Variants in CCDC85B observed in about 807,000 individuals in gnomAD.
CCDC85B encodes coiled-coil domain containing 85B.
A neutral mutation model predicts 13.6 loss-of-function variants in CCDC85B; 8 were observed. The observed-to-expected ratio is 0.59, with a 90% CI of 0.35 to 1.06. The LOEUF is 1.06. Among genes scored for constraint, CCDC85B ranks in the 50% least tolerant of loss-of-function variants. CCDC85B has a pLI of 0.02. For missense variants in CCDC85B, 217 were observed against 285.9 expected, an observed-to-expected ratio of 0.76 and a Z score of 1.74; for synonymous variants, 118 against 135.9, an observed-to-expected ratio of 0.87 and a Z score of 0.92.
In CCDC85B at chr11:65,891,242, C is replaced by A; in HGVS notation, c.459C>A (p.Gly153=). 6.6e-7 allele frequency: 1 copy of A among 1,516,026 alleles called. No individual in the cohort carries two copies. The allele number at this position is 1,516,026 out of a possible 1,614,324, so 93.9% of individuals were successfully genotyped here. A position where few individuals can be genotyped will look rare whatever the true frequency, so the allele number is the denominator to read the frequency against. ...GCGAAGAATGGGGCCCCCGCGGCGG[C>A]CCCAGCGGCGCCGGGGGATCAGGAG... ...ALGEEWGPRG[G]PSGAGGSGAG... is the part of the protein sequence containing the mutation. Residue 153 remains glycine, a synonymous_variant, in exon 1 of 1, where the codon GGC becomes GGA. Transcript: ENST00000312579. The surrounding 1 kb of genome is among the most constrained non-coding windows in gnomAD (Gnocchi z 7.3).
chr11:65,890,783 C>G lies in CCDC85B; in HGVS notation c.-1C>G. ...GCGATGCTCCAGAGGCCTGACCAGC[C>G]ATGGAGGCCGAGGCAGGCGGCCTGG... On this transcript the variant is annotated 5_prime_UTR_variant, in exon 1 of 1. Coordinates refer to ENST00000312579, the MANE Select transcript of CCDC85B (RefSeq NM_006848.3). The G allele has an allele frequency of 6.7e-7, 1 of 1,482,652 alleles. No individual in the cohort carries two copies. Among genetic ancestry groups the G allele is most frequent in the Non-Finnish European group, 8.9e-7 (1 of 1,124,696 alleles). The allele number at this position is 1,482,652 out of a possible 1,614,324, so 91.8% of individuals were successfully genotyped here.
Position 65,891,460 on chromosome 11 carries a change from T to G in CCDC85B, c.*68T>G. 6.9e-7 allele frequency: 1 copy of G among 1,459,066 alleles called. No homozygotes were observed. Among genetic ancestry groups the G allele is most frequent in the Non-Finnish European group, 9.1e-7 (1 of 1,104,930 alleles). The allele number at this position is 1,459,066 out of a possible 1,614,324, so 90.4% of individuals were successfully genotyped here. A position where few individuals can be genotyped will look rare whatever the true frequency, so the allele number is the denominator to read the frequency against. ...CCGAGCCCCGGGACCGCTGTGGACC[T>G]CGGGACCTGGACGCCGTCCTGGCTG... On this transcript the variant is annotated 3_prime_UTR_variant, in exon 1 of 1. Transcript: ENST00000312579. This position sits in a 1 kb window ranked among gnomAD's most constrained non-coding sequence, Gnocchi z 7.3.
Position 65,890,743 on chromosome 11 carries a change from C to CGCG in CCDC85B, c.-33_-31dup, listed in dbSNP as rs1860371538. On this transcript the variant is annotated 5_prime_UTR_variant, in exon 1 of 1. Transcript: ENST00000312579. ...CGGGCCCGACGTGGGGCTCCTGGGC[C>CGCG]GCGGCGGCGGGCGGGCGATGCTCCA... The CGCG allele has an allele frequency of 1.5e-6, 2 of 1,371,196 alleles. No homozygotes were observed. Among genetic ancestry groups the CGCG allele is most frequent in the Middle Eastern group, 2.7e-4 (1 of 3,726 alleles). The allele number at this position is 1,371,196 out of a possible 1,614,324, so 84.9% of individuals were successfully genotyped here.
In CCDC85B at chr11:65,891,537, C is replaced by T; in HGVS notation, c.*145C>T. 1 of 906,482 alleles carries T rather than the reference C, an allele frequency of 1.1e-6. No individual in the cohort carries two copies. Among genetic ancestry groups the T allele is most frequent in the Admixed American group, 4.0e-5 (1 of 25,078 alleles). The allele number at this position is 906,482 out of a possible 1,614,324, so 56.2% of individuals were successfully genotyped here. A position where few individuals can be genotyped will look rare whatever the true frequency, so the allele number is the denominator to read the frequency against. ...AAGAAATCCTGACACCAAGAAGGGCCCCTCGCTCTTGCTGGCAGGGCAGCA... is the reference window on the plus strand; with the variant it reads ...AAGAAATCCTGACACCAAGAAGGGCTCCTCGCTCTTGCTGGCAGGGCAGCA... On this transcript the variant is annotated 3_prime_UTR_variant, in exon 1 of 1. Transcript: ENST00000312579. The surrounding 1 kb of genome is among the most constrained non-coding windows in gnomAD (Gnocchi z 7.3).
Position 65,891,225 on chromosome 11 carries a change from TG to T in CCDC85B, c.446del (p.Gly149AlafsTer30). On this transcript the variant is annotated frameshift_variant, in exon 1 of 1. Transcript: ENST00000312579. LOFTEE classifies it high-confidence loss of function. The surrounding 1 kb of genome is among the most constrained non-coding windows in gnomAD (Gnocchi z 7.3). The part of the protein sequence containing the change: ...KELCLALGEE[W>X]GPRGGPSGAG... ...GCTCTGCCTGGCGCTGGGCGAAGAA[TG>T]GGGCCCCCGCGGCGGCCCCAGCGGC... The T allele has an allele frequency of 6.6e-7, 1 of 1,511,050 alleles. No homozygotes were observed. The highest frequency in any genetic ancestry group is 8.8e-7 in the Non-Finnish European group (1 of 1,133,038). 93.6% of individuals were successfully genotyped at this position (1,511,050 alleles called of 1,614,324 possible). A position where few individuals can be genotyped will look rare whatever the true frequency, so the allele number is the denominator to read the frequency against.
Position 65,890,765 on chromosome 11 carries a change from T to G in CCDC85B, c.-19T>G, listed in dbSNP as rs940237928. 1 of 1,393,108 alleles carries G rather than the reference T, an allele frequency of 7.2e-7. No homozygotes were observed. The highest frequency in any genetic ancestry group is 1.5e-5 in the African/African-American group (1 of 65,360). 86.3% of individuals were successfully genotyped at this position (1,393,108 alleles called of 1,614,324 possible). ...GGCCGCGGCGGCGGGCGGGCGATGC[T>G]CCAGAGGCCTGACCAGCCATGGAGG... On this transcript the variant is annotated 5_prime_UTR_variant, in exon 1 of 1. Transcript: ENST00000312579.
Position 65,891,171 on chromosome 11 carries a change from C to A in CCDC85B, c.388C>A (p.Leu130Met). The stretch of plus-strand genomic sequence containing the variant: ...CGAGCTGGAGGGCCGCCAGGAGGAG[C>A]TGCTGCGGGAGAACCTAGCGCTTAA... Reference protein sequence around the residue: ...LAELEGRQEELLRENLALKEL... With the variant: ...LAELEGRQEEMLRENLALKEL... The change falls in exon 1 of 1, where the codon CTG becomes ATG. Residue 130 changes from leucine to methionine, a missense_variant. Physicochemically the swap from Leu to Met is conservative, Grantham distance 15. Transcript: ENST00000312579. The surrounding 1 kb of genome is among the most constrained non-coding windows in gnomAD (Gnocchi z 7.3). 6.5e-7 allele frequency: 1 copy of A among 1,545,348 alleles called. No individual in the cohort carries two copies. The highest frequency in any genetic ancestry group is 1.2e-5 in the South Asian group (1 of 82,862).
rs765718187 is a variant in CCDC85B, at chr11:65,891,320, C to G, written c.537C>G (p.Gly179=). The G allele has an allele frequency of 1.9e-6, 3 of 1,602,620 alleles. No homozygotes were observed. The highest frequency in any genetic ancestry group is 2.6e-6 in the Non-Finnish European group (3 of 1,175,878). ...CCCCGTGCGGGCCCCGCGACCTAGG[C>G]GATGGAAGCTCCAGCACTGGCAGCG... ...ALPPCGPRDL[G]DGSSSTGSVG... is the part of the protein sequence containing the mutation. Residue 179 remains glycine, a synonymous_variant, in exon 1 of 1, where the codon GGC becomes GGG. Transcript: ENST00000312579. This position sits in a 1 kb window ranked among gnomAD's most constrained non-coding sequence, Gnocchi z 7.3.
chr11:65,891,144 G>A lies in CCDC85B; in HGVS notation c.361G>A (p.Ala121Thr), dbSNP rs1199022595. 1.3e-6 allele frequency: 2 copies of A among 1,566,088 alleles called. No individual in the cohort carries two copies. The highest frequency in any genetic ancestry group is 1.7e-6 in the Non-Finnish European group (2 of 1,159,782). ...CCTGGGCGGCTGTTGGCAGAAGCTG[G>A]CCGAGCTGGAGGGCCGCCAGGAGGA... Reference protein sequence around the residue: ...EDLGGCWQKLAELEGRQEELL... With the variant: ...EDLGGCWQKLTELEGRQEELL... Residue 121 changes from alanine (A) to threonine (T), a missense_variant, in exon 1 of 1, where the codon GCC becomes ACC. By Grantham distance (58) the Ala-to-Thr change is moderately conservative (BLOSUM62 0). Transcript: ENST00000312579. This position sits in a 1 kb window ranked among gnomAD's most constrained non-coding sequence, Gnocchi z 7.3.
At position 65,891,241 on chromosome 11, in the gene CCDC85B, GC is replaced by G; in HGVS notation, c.462del (p.Ser155AlafsTer24). 6.6e-7 allele frequency: 1 copy of G among 1,513,954 alleles called. No individual in the cohort carries two copies. Among genetic ancestry groups the G allele is most frequent in the African/African-American group, 1.4e-5 (1 of 70,050 alleles). The allele number at this position is 1,513,954 out of a possible 1,614,324, so 93.8% of individuals were successfully genotyped here. A position where few individuals can be genotyped will look rare whatever the true frequency, so the allele number is the denominator to read the frequency against. On this transcript the variant is annotated frameshift_variant, in exon 1 of 1. Transcript: ENST00000312579. LOFTEE classifies it high-confidence loss of function. The surrounding 1 kb of genome is among the most constrained non-coding windows in gnomAD (Gnocchi z 7.3). Reference sequence around the variant, plus strand: ...GGCGAAGAATGGGGCCCCCGCGGCGGCCCCAGCGGCGCCGGGGGATCAGGAG... The same window carrying G: ...GGCGAAGAATGGGGCCCCCGCGGCGGCCCAGCGGCGCCGGGGGATCAGGAG... ...ALGEEWGPRG[G>X]PSGAGGSGAG...
Position 65,890,769 on chromosome 11 carries a change from G to C in CCDC85B, c.-15G>C. On this transcript the variant is annotated 5_prime_UTR_variant, in exon 1 of 1. Coordinates refer to ENST00000312579, the MANE Select transcript of CCDC85B (RefSeq NM_006848.3). ...GCGGCGGCGGGCGGGCGATGCTCCA[G>C]AGGCCTGACCAGCCATGGAGGCCGA... is the stretch of plus-strand genomic sequence containing the variant. 1 of 1,431,124 alleles carries C rather than the reference G, an allele frequency of 7.0e-7. No individual in the cohort carries two copies. The highest frequency in any genetic ancestry group is 9.1e-7 in the Non-Finnish European group (1 of 1,101,942). 88.7% of individuals were successfully genotyped at this position (1,431,124 alleles called of 1,614,324 possible). A position where few individuals can be genotyped will look rare whatever the true frequency, so the allele number is the denominator to read the frequency against.
Position 65,890,852 on chromosome 11 carries a change from G to C in CCDC85B, c.69G>C (p.Glu23Asp), listed in dbSNP as rs1041310286. The change falls in exon 1 of 1, where the codon GAG becomes GAC. Residue 23 changes from glutamate (E) to aspartate (D), a missense_variant. Physicochemically the swap from Glu to Asp is conservative, Grantham distance 45. Coordinates refer to ENST00000312579, the MANE Select transcript of CCDC85B (RefSeq NM_006848.3). ...AGATGGCGGCGCTAGGCAAGGAAGAGCTAGTGCGGCGCCTGCGGCGGGAGG... is the reference window on the plus strand; with the variant it reads ...AGATGGCGGCGCTAGGCAAGGAAGACCTAGTGCGGCGCCTGCGGCGGGAGG... ...DEEMAALGKE[E>D]LVRRLRREEA... The C allele has an allele frequency of 3.9e-6, 6 of 1,525,134 alleles. No homozygotes were observed. Among genetic ancestry groups the C allele is most frequent in the Non-Finnish European group, 5.2e-6 (6 of 1,142,870 alleles). The allele number at this position is 1,525,134 out of a possible 1,614,324, so 94.5% of individuals were successfully genotyped here.
In CCDC85B at chr11:65,890,930, G is replaced by A. The variant is rs1306686154; in HGVS notation, c.147G>A (p.Val49=). The change falls in exon 1 of 1, where the codon GTG becomes GTA. Residue 49 remains valine (V), a synonymous_variant. Transcript: ENST00000312579. Reference sequence around the variant, plus strand: ...AGCGCGGCCGCCTCATGCAGGAGGTGAATCGGCAGCTGCAGGGCCACCTGG... The same window carrying A: ...AGCGCGGCCGCCTCATGCAGGAGGTAAATCGGCAGCTGCAGGGCCACCTGG... The part of the protein sequence containing the change: ...LVQRGRLMQE[V]NRQLQGHLGE... 9 of 1,529,846 alleles carry A rather than the reference G, an allele frequency of 5.9e-6. No homozygotes were observed. In the South Asian group the frequency reaches 9.6e-5, roughly 16 times the overall value. 94.8% of individuals were successfully genotyped at this position (1,529,846 alleles called of 1,614,324 possible). A position where few individuals can be genotyped will look rare whatever the true frequency, so the allele number is the denominator to read the frequency against.
chr11:65,891,076 G>A lies in CCDC85B; in HGVS notation c.293G>A (p.Trp98Ter). 2 of 1,564,780 alleles carry A rather than the reference G, an allele frequency of 1.3e-6. No individual in the cohort carries two copies. The highest frequency in any genetic ancestry group is 1.2e-5 in the South Asian group (1 of 85,914). Residue 98 changes from tryptophan to a stop codon, truncating the protein, a stop_gained, in exon 1 of 1, where the codon TGG becomes TAG. Transcript: ENST00000312579. LOFTEE classifies it high-confidence loss of function. The surrounding 1 kb of genome is among the most constrained non-coding windows in gnomAD (Gnocchi z 7.3). ...CGCGGGCGGCGCGCCGCACGCCAGT[G>A]GCAGCTCTTCGGGACCCAAGCATCC... is the stretch of plus-strand genomic sequence containing the variant. ...RQRGRRAARQWQLFGTQASRA... is the reference protein window; with the variant it reads ...RQRGRRAARQ
In CCDC85B at chr11:65,891,408, C is replaced by G; in HGVS notation, c.*16C>G. ...CGATGATTGAAGGCACTGCTTCCTC[C>G]ACGCCGACGCCCGCCCGGATTGCTC... On this transcript the variant is annotated 3_prime_UTR_variant, in exon 1 of 1. Transcript: ENST00000312579. The surrounding 1 kb of genome is among the most constrained non-coding windows in gnomAD (Gnocchi z 7.3). 1.3e-6 allele frequency: 2 copies of G among 1,543,270 alleles called. No individual in the cohort carries two copies. Among genetic ancestry groups the G allele is most frequent in the Non-Finnish European group, 1.7e-6 (2 of 1,149,390 alleles).
chr11:65,891,103 G>A lies in CCDC85B; in HGVS notation c.320G>A (p.Arg107Gln), dbSNP rs550004785. 6 of 1,570,876 alleles carry A rather than the reference G, an allele frequency of 3.8e-6. No individual in the cohort carries two copies. The East Asian group carries it at 1.2e-4, about 31-fold the overall frequency. Residue 107 changes from arginine (R) to glutamine (Q), a missense_variant, in exon 1 of 1, where the codon CGG (arginine) becomes CAG (glutamine). Physicochemically the swap from Arg to Gln is conservative, Grantham distance 43. Coordinates refer to ENST00000312579, the MANE Select transcript of CCDC85B (RefSeq NM_006848.3). The surrounding 1 kb of genome is among the most constrained non-coding windows in gnomAD (Gnocchi z 7.3). The part of the protein sequence containing the change: ...QWQLFGTQAS[R>Q]AVREDLGGCW... ...CAGCTCTTCGGGACCCAAGCATCCC[G>A]GGCCGTGCGCGAGGACCTGGGCGGC...
At position 65,891,620 on chromosome 11, in the gene CCDC85B, C is replaced by T. The variant is rs1275889808; in HGVS notation, c.*228C>T. 2 of 488,316 alleles carry T rather than the reference C, an allele frequency of 4.1e-6. No individual in the cohort carries two copies. Among genetic ancestry groups the T allele is most frequent in the Non-Finnish European group, 7.1e-6 (2 of 282,818 alleles). 30.2% of individuals were successfully genotyped at this position (488,316 alleles called of 1,614,324 possible). A position where few individuals can be genotyped will look rare whatever the true frequency, so the allele number is the denominator to read the frequency against. On this transcript the variant is annotated 3_prime_UTR_variant, in exon 1 of 1. Transcript: ENST00000312579. The surrounding 1 kb of genome is among the most constrained non-coding windows in gnomAD (Gnocchi z 7.3). The stretch of plus-strand genomic sequence containing the variant: ...TGGGGGTTGGATTGGGGGTAATAAA[C>T]CCGGACGGAAGCGGAGCCCACGGCC...
In CCDC85B at chr11:65,890,693, G is replaced by C; in HGVS notation, c.-91G>C. 7.6e-7 allele frequency: 1 copy of C among 1,309,988 alleles called. No homozygotes were observed. Among genetic ancestry groups the C allele is most frequent in the African/African-American group, 1.6e-5 (1 of 64,362 alleles). 81.1% of individuals were successfully genotyped at this position (1,309,988 alleles called of 1,614,324 possible). On this transcript the variant is annotated 5_prime_UTR_variant, in exon 1 of 1. Coordinates refer to ENST00000312579, the MANE Select transcript of CCDC85B (RefSeq NM_006848.3). ...TCGGCCACTGCCTGCCGCGTGCGGA[G>C]CCGGAGCCCGAGCCTGAGTGGCGCC...
chr11:65,891,449 C>G lies in CCDC85B; in HGVS notation c.*57C>G, dbSNP rs1860384105. ...CGGATTGCTCCCCGAGCCCCGGGACCGCTGTGGACCTCGGGACCTGGACGC... is the reference window on the plus strand; with the variant it reads ...CGGATTGCTCCCCGAGCCCCGGGACGGCTGTGGACCTCGGGACCTGGACGC... On this transcript the variant is annotated 3_prime_UTR_variant, in exon 1 of 1. Transcript: ENST00000312579. This position sits in a 1 kb window ranked among gnomAD's most constrained non-coding sequence, Gnocchi z 7.3. 6.1e-6 allele frequency: 9 copies of G among 1,484,006 alleles called. No homozygotes were observed. The highest frequency in any genetic ancestry group is 1.4e-5 in the South Asian group (1 of 72,312). 91.9% of individuals were successfully genotyped at this position (1,484,006 alleles called of 1,614,324 possible).
Sources: gnomAD v4.1 joint callset for allele counts on GRCh38, gnomAD v4.1.1 for gene constraint, Gnocchi (gnomAD v3.1) non-coding constraint, MANE v1.5 for transcripts, NCBI Gene and HGNC (gene_info 2026-07-23, HGNC 2026-07-21) for gene names.